Variants in NARS2 observed in about 807,000 individuals in gnomAD.
NARS2 encodes asparaginyl-tRNA synthetase.
NARS2 carries 60 observed loss-of-function variants against 62.9 expected under a neutral mutation model. The ratio of observed to expected loss-of-function variants is 0.95; its 90% CI spans 0.77 to 1.18. The LOEUF (loss-of-function observed/expected upper bound fraction) is 1.18, where lower values mean the gene tolerates loss of function less well. Ranked by LOEUF, NARS2 falls within the 50% of genes most tolerant of loss-of-function variation. The pLI is 0.00. For missense variants in NARS2, 619 were observed against 576.4 expected, an observed-to-expected ratio of 1.07 and a Z score of -0.76; for synonymous variants, 196 against 200.0, an observed-to-expected ratio of 0.98 and a Z score of 0.17.
Position 78,553,789 on chromosome 11 carries a change from G to T in NARS2, c.594+5750C>A, listed in dbSNP as rs191915702. Reference sequence around the variant, plus strand: ...CAATTTGTCAATTTTTGCTTTTGTTGTAATTGCTTTTGATGTCTGTCATGA... The same window carrying T: ...CAATTTGTCAATTTTTGCTTTTGTTTTAATTGCTTTTGATGTCTGTCATGA... On this transcript the variant is annotated intron_variant, in intron 5 of 13. Coordinates refer to ENST00000281038, the MANE Select transcript of NARS2 (RefSeq NM_024678.6). Among the ~76,000 whole-genome samples, 754 of 152,266 alleles carry T rather than the reference G, an allele frequency of 5.0e-3. 4 individuals are homozygous for T. Among genetic ancestry groups the T allele is most frequent in the African/African-American group, 0.018 (731 of 41,556 alleles).
rs116695580 is a variant in NARS2 at position 78,469,940 on chromosome 11, G to A, written c.960-627C>T. On this transcript the variant is annotated intron_variant, in intron 9 of 13. Coordinates refer to ENST00000281038, the MANE Select transcript of NARS2 (RefSeq NM_024678.6). ...AAGTTTGTGACATTTGAACAGAAGC[G>A]TGCACCGAGTAAGGAAATGAACCAT... Among the ~76,000 whole-genome samples, 782 of 152,280 alleles carry A rather than the reference G, an allele frequency of 5.1e-3. 4 individuals are homozygous for A. Among genetic ancestry groups the A allele is most frequent in the African/African-American group, 0.018 (756 of 41,560 alleles).
chr11:78,443,108 G>A (rs1052814537), intron 12 of NARS2, among the ~76,000 whole-genome samples: 4 of 152,006 alleles, frequency 2.6e-5, no homozygotes, highest in East Asian at 1.9e-4. Context: ...GGCAGATCAC[G>A]AGGTCAGGAG....
At chr11:78,554,500 C>CGTGTGCGTGTGTGTGT (rs1555041386) in intron 5 of NARS2, among the ~76,000 whole-genome samples, 2 of 42,496 alleles carry the variant, frequency 4.7e-5, no homozygotes, top group Non-Finnish European at 8.9e-5. Context: ...TATTCCTAGG[C>CGTGTGCGTGTGTGTGT]GTGTGTGCGT....
At chr11:78,454,225 C>A (rs2135173199) in intron 11 of NARS2, among the ~76,000 whole-genome samples, 2 of 152,274 alleles carry the variant, frequency 1.3e-5, no homozygotes, top group East Asian at 3.9e-4. Flanking sequence ...TCTTTTCTTT[C>A]TAGTTTATTT....
chr11:78,477,963 G>A (rs548483033), intron 9 of NARS2, among the ~76,000 whole-genome samples: 4 of 152,052 alleles, frequency 2.6e-5, no homozygotes, highest in Non-Finnish European at 5.9e-5. Context: ...GTGGTTGGTC[G>A]TGTTTCTCTG....
In NARS2 at chr11:78,436,803, A is replaced by C; in HGVS notation, c.1301T>G (p.Leu434Arg). The C allele has an allele frequency of 6.2e-7, 1 of 1,614,124 alleles. No individual in the cohort carries two copies. Among genetic ancestry groups the C allele is most frequent in the South Asian group, 1.1e-5 (1 of 91,072 alleles). Reference protein sequence around the residue: ...LTEVYQWYLDLRRFGSVPHGG... With the variant: ...LTEVYQWYLDRRRFGSVPHGG... The stretch of plus-strand genomic sequence containing the variant: ...ATGTGGCACAGATCCAAATCGACGA[A>C]GGTCCAGATACCTGTTTTTCAAAAA... Residue 434 changes from leucine to arginine, a missense_variant, in exon 14 of 14, where the codon CTT becomes CGT. Physicochemically the swap from Leu to Arg is moderately radical, Grantham distance 102. Coordinates refer to ENST00000281038, the MANE Select transcript of NARS2 (RefSeq NM_024678.6).
chr11:78,475,951 C>A (rs929349431), intron 9 of NARS2, among the ~76,000 whole-genome samples: 17 of 151,964 alleles, frequency 1.1e-4, no homozygotes, highest in East Asian at 3.9e-4. Flanking sequence ...TATCTCAGTG[C>A]GGTTTTAATT....
intron 11 of NARS2, among the ~76,000 whole-genome samples, chr11:78,447,216 T>C (rs1384191482): frequency 6.6e-6 from 1 of 152,032 alleles, no homozygotes; most frequent in Non-Finnish European, 1.5e-5. Context: ...GATGGGGTCT[T>C]GCTGTGTTGC....
intron 5 of NARS2, among the ~76,000 whole-genome samples, chr11:78,538,811 C>T (rs1029107364): frequency 5.3e-5 from 8 of 150,696 alleles, no homozygotes; most frequent in Admixed American, 2.0e-4. Context: ...CTGGCTAACA[C>T]GGTGAAACCC....
chr11:78,540,792 T>C (rs929021872), intron 5 of NARS2, among the ~76,000 whole-genome samples: 3 of 152,236 alleles, frequency 2.0e-5, no homozygotes, highest in African/African-American at 7.2e-5. Context: ...TATCCTATTT[T>C]CTTTCTTGAT....
chr11:78,536,634 AAG>A (rs1423202167), intron 5 of NARS2, among the ~76,000 whole-genome samples: 1 of 152,216 alleles, frequency 6.6e-6, no homozygotes, highest in Non-Finnish European at 1.5e-5. Context: ...AGTATTATGA[AAG>A]AGTAAAAATA....
intron 6 of NARS2, among the ~76,000 whole-genome samples, chr11:78,502,641 A>G (rs578210396): frequency 5.9e-4 from 90 of 152,188 alleles, no homozygotes; most frequent in Non-Finnish European, 1.2e-3. Flanking sequence ...TTGGTTGTAC[A>G]ATGTCACTAA....
At position 78,572,744 on chromosome 11, in the gene NARS2, T is replaced by C. The variant is rs568629466; in HGVS notation, c.142-1300A>G. On this transcript the variant is annotated intron_variant, in intron 1 of 13. Coordinates refer to ENST00000281038, the MANE Select transcript of NARS2 (RefSeq NM_024678.6). ...ACATGTTTAATTTAAAATTTCTTTT[T>C]GTGGCCACGTTAAACATAAAAATAG... Among the ~76,000 whole-genome samples the C allele has an allele frequency of 1.2e-3, 180 of 152,358 alleles. 4 individuals carry two copies. The highest frequency in any genetic ancestry group is 6.0e-4 in the Non-Finnish European group (41 of 68,038).
chr11:78,565,624 C>G (rs1035283598), intron 4 of NARS2, among the ~76,000 whole-genome samples: 5 of 152,152 alleles, frequency 3.3e-5, no homozygotes, highest in Non-Finnish European at 7.4e-5. Flanking sequence ...AGAGGGCCAC[C>G]TTGCAGTATT....
At chr11:78,502,542 C>T (rs1276679393) in intron 6 of NARS2, among the ~76,000 whole-genome samples, 1 of 152,154 alleles carries the variant, frequency 6.6e-6, no homozygotes, top group Non-Finnish European at 1.5e-5. Flanking sequence ...AGGGGAGAGG[C>T]AATTCAGTAC....
intron 6 of NARS2, among the ~76,000 whole-genome samples, chr11:78,516,344 C>G (rs1241384326): frequency 6.6e-6 from 1 of 152,158 alleles, no homozygotes; most frequent in African/African-American, 2.4e-5. Flanking sequence ...GGAATAGAAT[C>G]TACATCAAAT....
At chr11:78,506,611 T>C (rs1360509724) in intron 6 of NARS2, among the ~76,000 whole-genome samples, 2 of 152,196 alleles carry the variant, frequency 1.3e-5, no homozygotes, top group Non-Finnish European at 2.9e-5. Context: ...CTCAGCTCAC[T>C]GCTACATTCA....
At chr11:78,512,599 A>T (rs1241040983) in intron 6 of NARS2, among the ~76,000 whole-genome samples, 1 of 152,198 alleles carries the variant, frequency 6.6e-6, no homozygotes, top group Non-Finnish European at 1.5e-5. Context: ...TATATAAAGT[A>T]GCCAGAATTC....
At chr11:78,520,186 G>A (rs1174558443) in intron 6 of NARS2, among the ~76,000 whole-genome samples, 1 of 152,154 alleles carries the variant, frequency 6.6e-6, no homozygotes, top group Non-Finnish European at 1.5e-5. Flanking sequence ...TCTCTCAGCT[G>A]TGAGGCTACA....
Sources: gnomAD v4.1 joint callset for allele counts (sites outside exome capture counted in the v4.1 genomes callset) on GRCh38, gnomAD v4.1.1 for gene constraint, MANE v1.5 for transcripts, NCBI Gene and HGNC (gene_info 2026-07-23, HGNC 2026-07-21) for gene names.